Variants in ZNF222 observed in about 807,000 individuals in gnomAD.
The protein encoded by ZNF222 is zinc finger protein 222.
In ZNF222, 8 loss-of-function variants were observed where a neutral mutation model predicts 11.6. The ratio of observed to expected loss-of-function variants is 0.69; its 90% CI spans 0.41 to 1.25. ZNF222 has a LOEUF of 1.25. Ranked by LOEUF, ZNF222 falls within the 50% of genes most tolerant of loss-of-function variation. The pLI is 0.01. For synonymous variants in ZNF222, 171 were observed against 195.6 expected, an observed-to-expected ratio of 0.87 and a Z score of 1.05; for missense variants, 483 against 576.1, an observed-to-expected ratio of 0.84 and a Z score of 1.65.
In ZNF222 at chr19:44,032,494, A is replaced by T; in HGVS notation, c.940A>T (p.Arg314Trp). Residue 314 changes from arginine (R) to tryptophan (W), a missense_variant, in exon 4 of 4, where the codon AGG becomes TGG. Physicochemically the swap from Arg to Trp is moderately radical, Grantham distance 101. Transcript: ENST00000391960. ...CTTCTGTCTTAGGTCAAGTCTTAATAGGCATTGCATGGTCCACACAGCAGA... is the reference window on the plus strand; with the variant it reads ...CTTCTGTCTTAGGTCAAGTCTTAATTGGCATTGCATGGTCCACACAGCAGA... ...KSFCLRSSLN[R>W]HCMVHTAEKL... 6.2e-7 allele frequency: 1 copy of T among 1,614,228 alleles called. No individual in the cohort carries two copies. The highest frequency in any genetic ancestry group is 2.2e-5 in the East Asian group (1 of 44,880).
In ZNF222 at chr19:44,032,804, G is replaced by A; in HGVS notation, c.1250G>A (p.Ser417Asn). The change falls in exon 4 of 4, where the codon AGC (serine) becomes AAC (asparagine). Residue 417 changes from serine (S) to asparagine (N), a missense_variant. Ser to Asn is a conservative substitution (Grantham distance 46). Transcript: ENST00000391960. ...RSYNCDNCGK[S>N]FRHASSILNH... is the part of the protein sequence containing the mutation. ...TATAACTGTGATAACTGCGGGAAGA[G>A]CTTTAGACATGCTTCTAGTATTTTG... 6.2e-7 allele frequency: 1 copy of A among 1,613,926 alleles called. No homozygotes were observed. The highest frequency in any genetic ancestry group is 8.5e-7 in the Non-Finnish European group (1 of 1,179,986).
intron 1 of ZNF222, chr19:44,026,238 T>C (rs8101750): frequency 1 from 704,643 of 704,664 alleles, 352,311 homozygotes; most frequent in Middle Eastern, 1. Context: ...TACATGATCT[T>C]CACAGTGGCA....
chr19:44,029,891 G>A (rs73556220), intron 3 of ZNF222, among the ~76,000 whole-genome samples: 4,149 of 152,192 alleles, frequency 0.027, 155 homozygotes, highest in African/African-American at 0.08. Context: ...AGTGTAACAC[G>A]GACAAACATT....
chr19:44,029,882 G>A (rs1224797772), intron 3 of ZNF222, among the ~76,000 whole-genome samples: 3 of 152,208 alleles, frequency 2.0e-5, no homozygotes, highest in Non-Finnish European at 4.4e-5. Context: ...ATATCTGTCA[G>A]TGTAACACGG....
Position 44,033,048 on chromosome 19 carries a change from A to G in ZNF222, c.*18A>G. 2 of 1,479,924 alleles carry G rather than the reference A, an allele frequency of 1.4e-6. No homozygotes were observed. The highest frequency in any genetic ancestry group is 9.0e-7 in the Non-Finnish European group (1 of 1,116,066). The allele number at this position is 1,479,924 out of a possible 1,614,324, so 91.7% of individuals were successfully genotyped here. A position where few individuals can be genotyped will look rare whatever the true frequency, so the allele number is the denominator to read the frequency against. On this transcript the variant is annotated 3_prime_UTR_variant, in exon 4 of 4. Coordinates refer to ENST00000391960, the MANE Select transcript of ZNF222 (RefSeq NM_001129996.2). Reference sequence around the variant, plus strand: ...ACATATAAGTTATACATATTTATGGAGTGTGAAATTTGATACATGTATATA... The same window carrying G: ...ACATATAAGTTATACATATTTATGGGGTGTGAAATTTGATACATGTATATA...
At chr19:44,028,160 A>G (rs1976421755) in intron 3 of ZNF222, 1 of 399,150 alleles carries the variant, frequency 2.5e-6, no homozygotes, top group African/African-American at 2.1e-5. Context: ...TTCCATAGTC[A>G]TGCTTCCTCT....
rs1976510221 is a variant in ZNF222, at chr19:44,031,978, C to T, written c.424C>T (p.Gln142Ter). 2 of 1,614,088 alleles carry T rather than the reference C, an allele frequency of 1.2e-6. No homozygotes were observed. The highest frequency in any genetic ancestry group is 1.7e-5 in the Admixed American group (1 of 60,006). The change falls in exon 4 of 4, where the codon CAG (glutamine) becomes TAG (stop). Residue 142 changes from glutamine to a stop codon, truncating the protein, a stop_gained. Transcript: ENST00000391960. LOFTEE classifies it low-confidence loss of function (END_TRUNC). ...QLFEQDDNPS[Q>*]IKARLSTVHT... ...ATTTGAACAAGATGACAACCCCTCC[C>T]AGATTAAAGCAAGACTATCTACAGT...
Position 44,032,195 on chromosome 19 carries a change from A to C in ZNF222, c.641A>C (p.Lys214Thr). ...GTCCACATGGGAGTGAAATGCTATA[A>C]GTGTGATGTGTGTGGTAAGGAATTT... is the stretch of plus-strand genomic sequence containing the variant. Reference protein sequence around the residue: ...QRVHMGVKCYKCDVCGKEFSQ... With the variant: ...QRVHMGVKCYTCDVCGKEFSQ... Residue 214 changes from lysine (K) to threonine (T), a missense_variant, in exon 4 of 4, where the codon AAG becomes ACG. Transcript: ENST00000391960. The C allele has an allele frequency of 3.7e-6, 6 of 1,614,224 alleles. No individual in the cohort carries two copies. The highest frequency in any genetic ancestry group is 2.2e-5 in the East Asian group (1 of 44,886).
At chr19:44,027,204 A>G in intron 2 of ZNF222, 55 bp downstream of exon 2, 1 of 1,602,900 alleles carries the variant, frequency 6.2e-7, no homozygotes, top group Non-Finnish European at 8.5e-7. Flanking sequence ...TGGTTTTTTA[A>G]TCCTAGGGTT....
intron 3 of ZNF222, among the ~76,000 whole-genome samples, chr19:44,031,373 A>C (rs1391934309): frequency 6.6e-6 from 1 of 152,274 alleles, no homozygotes; most frequent in African/African-American, 2.4e-5. Context: ...CGTTCATTAA[A>C]GTTAAATCCC....
At chr19:44,029,191 GTTTTTTTTTTTTT>G (rs1171435860) in intron 3 of ZNF222, among the ~76,000 whole-genome samples, 3 of 62,042 alleles carry the variant, frequency 4.8e-5, no homozygotes, top group East Asian at 5.5e-4. Context: ...GTTTTGTTTT[GTTTTTTTTTTTTT>G]TTTTTTTTTT....
chr19:44,026,554 A>ATTTTTTTT (rs1329786054), intron 1 of ZNF222, among the ~76,000 whole-genome samples: 31 of 129,544 alleles, frequency 2.4e-4, no homozygotes, highest in African/African-American at 1.1e-3. Context: ...ATATATATAT[A>ATTTTTTTT]TATTTTTTTT....
chr19:44,026,162 G>A, intron 1 of ZNF222: 3 of 1,455,296 alleles, frequency 2.1e-6, no homozygotes, highest in Non-Finnish European at 2.9e-6. Flanking sequence ...TGTCCCTCGG[G>A]CATGGGTGTC....
rs376038651 is a variant in ZNF222 at position 44,032,983 on chromosome 19, C to T, written c.1429C>T (p.Arg477Cys). The T allele has an allele frequency of 1.8e-5, 29 of 1,569,840 alleles. No homozygotes were observed. Among genetic ancestry groups the T allele is most frequent in the African/African-American group, 4.2e-5 (3 of 72,260 alleles). ...CEDCGKRYKR[R>C]LNLDIILSLF... ...GGACTGTGGGAAGCGCTACAAGAGGCGCTTGAATCTGGATATAATTTTATC... is the reference window on the plus strand; with the variant it reads ...GGACTGTGGGAAGCGCTACAAGAGGTGCTTGAATCTGGATATAATTTTATC... The change falls in exon 4 of 4, where the codon CGC (arginine) becomes TGC (cysteine). Residue 477 changes from arginine to cysteine, a missense_variant. Coordinates refer to ENST00000391960, the MANE Select transcript of ZNF222 (RefSeq NM_001129996.2).
chr19:44,025,416 C>T lies in ZNF222; in HGVS notation c.-21C>T, dbSNP rs571210898. The T allele has an allele frequency of 1.5e-5, 24 of 1,551,626 alleles. No homozygotes were observed. The East Asian group carries it at 5.4e-4, about 35-fold the overall frequency. The stretch of plus-strand genomic sequence containing the variant: ...AGTCCTTCCGAACGAGTCTCCTTTC[C>T]TTGGGGCTCGCAACCACCCAATGAT... On this transcript the variant is annotated 5_prime_UTR_variant, in exon 1 of 4. Coordinates refer to ENST00000391960, the MANE Select transcript of ZNF222 (RefSeq NM_001129996.2). This position sits in a 1 kb window ranked among gnomAD's most constrained non-coding sequence, Gnocchi z 4.6.
chr19:44,025,600 G>C lies in ZNF222; in HGVS notation c.42+122G>C. On this transcript the variant is annotated intron_variant, in intron 1 of 3. Transcript: ENST00000391960. This position sits in a 1 kb window ranked among gnomAD's most constrained non-coding sequence, Gnocchi z 4.6. ...GCCCGGTGTGCCCTACTTTGACCTC[G>C]CTTAGTCCGCCTCCCTCCTCCCTAC... 2 of 1,027,780 alleles carry C rather than the reference G, an allele frequency of 1.9e-6. No homozygotes were observed. The highest frequency in any genetic ancestry group is 5.2e-5 in the East Asian group (2 of 38,160). The allele number at this position is 1,027,780 out of a possible 1,614,324, so 63.7% of individuals were successfully genotyped here. A position where few individuals can be genotyped will look rare whatever the true frequency, so the allele number is the denominator to read the frequency against.
At position 44,031,881 on chromosome 19, in the gene ZNF222, C is replaced by A. The variant is rs747429482; in HGVS notation, c.327C>A (p.Cys109Ter). 20 of 1,614,150 alleles carry A rather than the reference C, an allele frequency of 1.2e-5. No homozygotes were observed. Among genetic ancestry groups the A allele is most frequent in the South Asian group, 2.2e-5 (2 of 91,076 alleles). The change falls in exon 4 of 4, where the codon TGC (cysteine) becomes TGA (stop). Residue 109 changes from cysteine (C) to a stop codon, truncating the protein, a stop_gained. Transcript: ENST00000391960. LOFTEE classifies it low-confidence loss of function (END_TRUNC). ...CAGGAACACATGAAGAATTTTCCTG[C>A]AAGCAAATTTGGGAACAAATTGCAA... Reference protein sequence around the residue: ...PEAGTHEEFSCKQIWEQIASD... With the variant: ...PEAGTHEEFS
intron 1 of ZNF222, among the ~76,000 whole-genome samples, chr19:44,026,554 A>ATTTTTT (rs1329786054): frequency 0.022 from 2,852 of 129,336 alleles, 116 homozygotes; most frequent in African/African-American, 0.099. Flanking sequence ...ATATATATAT[A>ATTTTTT]TATTTTTTTT....
chr19:44,031,788 C>T (rs756767103), intron 3 of ZNF222, 29 bp from the exon 4 acceptor site: 56 of 1,597,070 alleles, frequency 3.5e-5, no homozygotes, highest in Admixed American at 6.8e-5. Context: ...GCCTACTTGT[C>T]CACATGTCTT....
Sources: allele counts gnomAD v4.1 joint callset (sites outside exome capture counted in the v4.1 genomes callset), GRCh38; gene constraint gnomAD v4.1.1; non-coding constraint Gnocchi (gnomAD v3.1); transcripts MANE v1.5; gene names NCBI Gene and HGNC (gene_info 2026-07-23, HGNC 2026-07-21).